The following DYRK1A variants were observed in gnomAD, a reference collection of about 807,000 sequenced individuals.
DYRK1A encodes the protein dual specificity tyrosine-phosphorylation-regulated kinase 1A.
Under a neutral mutation model 79.7 loss-of-function variants are expected in DYRK1A, and 9 were observed. The observed-to-expected ratio is 0.11, with a 90% confidence interval of 0.07 to 0.20. DYRK1A has a LOEUF of 0.20. Among genes scored for constraint, DYRK1A ranks in the 10% least tolerant of loss-of-function variants. The pLI, the probability that DYRK1A is intolerant of heterozygous loss-of-function variation, is 1.00. For synonymous variants in DYRK1A, 349 were observed against 329.7 expected (o/e 1.06, Z -0.63); for missense variants, 622 against 956.0 (o/e 0.65, Z 4.61).
intron 2 of DYRK1A, among the ~76,000 whole-genome samples, chr21:37,447,842 G>T (rs1476827828): frequency 3.3e-5 from 5 of 151,728 alleles, no homozygotes; most frequent in African/African-American, 1.2e-4. Flanking sequence ...GCTTAGAGGT[G>T]GGGAACTTGT....
intron 1 of DYRK1A, among the ~76,000 whole-genome samples, chr21:37,386,049 G>C (rs12626319): frequency 0.24 from 36,110 of 151,966 alleles, 4,576 homozygotes; most frequent in East Asian, 0.42. Context: ...GTAAGGTACT[G>C]TTTTCATTTA....
chr21:37,501,166 G>GTTTTTTTTTTTTGT (rs2053434064), intron 9 of DYRK1A, among the ~76,000 whole-genome samples: 55 of 93,976 alleles, frequency 5.9e-4, no homozygotes, highest in African/African-American at 2.4e-3. Context: ...GTTGTTGTTG[G>GTTTTTTTTTTTTGT]TTTTTTTTTT....
intron 8 of DYRK1A, among the ~76,000 whole-genome samples, chr21:37,495,739 C>G (rs112564495): frequency 8.5e-4 from 117 of 137,716 alleles, no homozygotes; most frequent in African/African-American, 2.9e-3. Context: ...CTGCAGTGAG[C>G]TCTGAGTGCA....
intron 2 of DYRK1A, among the ~76,000 whole-genome samples, chr21:37,448,575 G>A (rs1322982870): frequency 6.6e-6 from 1 of 152,118 alleles, no homozygotes; most frequent in Non-Finnish European, 1.5e-5. Context: ...AATATTATAG[G>A]TATGATTTAT....
chr21:37,473,702 C>T (rs1025452432), intron 3 of DYRK1A, among the ~76,000 whole-genome samples: 1 of 152,032 alleles, frequency 6.6e-6, no homozygotes, highest in Non-Finnish European at 1.5e-5. Context: ...ATGTCTTTTC[C>T]TGGTGTCTTG....
intron 2 of DYRK1A, chr21:37,421,727 C>T (rs1463053897): frequency 6.6e-6 from 1 of 152,076 alleles, no homozygotes; most frequent in African/African-American, 2.4e-5. Flanking sequence ...GAATTTTATG[C>T]ACATTTTTTT....
At chr21:37,501,771 T>C (rs2053458644) in intron 9 of DYRK1A, 1 of 152,204 alleles carries the variant, frequency 6.6e-6, no homozygotes, top group Admixed American at 6.5e-5. Flanking sequence ...TCAAATTGTT[T>C]GATATTTTTC....
intron 9 of DYRK1A, chr21:37,501,963 C>T (rs1257497320): frequency 6.6e-6 from 1 of 152,098 alleles, no homozygotes; most frequent in Non-Finnish European, 1.5e-5. Context: ...GATAAATTGA[C>T]CCTTTTATCA....
intron 1 of DYRK1A, chr21:37,415,659 G>T (rs577247411): frequency 6.6e-6 from 1 of 151,868 alleles, no homozygotes; most frequent in South Asian, 2.1e-4. Context: ...TAGAGATGGG[G>T]TTTTGCCATG....
Position 37,513,082 on chromosome 21 carries a change from A to C in DYRK1A, c.*551A>C, listed in dbSNP as rs1205599506. Reference sequence around the variant, plus strand: ...TAAGGAAGAGGGACCTCCAGCTTCCACAAACACCATCTTCAGCTGTATGAA... The same window carrying C: ...TAAGGAAGAGGGACCTCCAGCTTCCCCAAACACCATCTTCAGCTGTATGAA... On this transcript the variant is annotated 3_prime_UTR_variant, in exon 12 of 12. Coordinates refer to ENST00000647188, the MANE Select transcript of DYRK1A (RefSeq NM_001347721.2). 1 of 155,288 alleles carries C rather than the reference A, an allele frequency of 6.4e-6. No homozygotes were observed. Among genetic ancestry groups the C allele is most frequent in the African/African-American group, 2.4e-5 (1 of 41,402 alleles). The allele number at this position is 155,288 out of a possible 1,614,324, so 9.6% of individuals were successfully genotyped here.
At chr21:37,473,914 A>G (rs1486314587) in intron 3 of DYRK1A, among the ~76,000 whole-genome samples, 2 of 152,206 alleles carry the variant, frequency 1.3e-5, no homozygotes, top group Non-Finnish European at 2.9e-5. Flanking sequence ...AAGTTTAGGA[A>G]GTGTTTAATT....
chr21:37,415,237 CCTT>C (rs1247893238), intron 1 of DYRK1A, among the ~76,000 whole-genome samples: 19 of 152,158 alleles, frequency 1.2e-4, no homozygotes, highest in African/African-American at 3.6e-4. Context: ...AGTTCTTAAA[CCTT>C]CTCCCTAGTT....
At chr21:37,497,389 A>G (rs1261331668) in intron 9 of DYRK1A, among the ~76,000 whole-genome samples, 1 of 152,136 alleles carries the variant, frequency 6.6e-6, no homozygotes, top group African/African-American at 2.4e-5. Flanking sequence ...CCTATTCCCC[A>G]TAAGGAAAGG....
At chr21:37,438,522 A>G (rs1182325707) in intron 2 of DYRK1A, among the ~76,000 whole-genome samples, 1 of 152,122 alleles carries the variant, frequency 6.6e-6, no homozygotes, top group Non-Finnish European at 1.5e-5. Flanking sequence ...GTATAGATCA[A>G]AGATCACTTT....
intron 2 of DYRK1A, among the ~76,000 whole-genome samples, chr21:37,436,126 C>G (rs11702209): frequency 0.077 from 11,687 of 152,116 alleles, 667 homozygotes; most frequent in Non-Finnish European, 0.11. Flanking sequence ...GGAAAAAATT[C>G]TAGGCCTTTT....
At chr21:37,377,098 G>C (rs1264486459) in intron 1 of DYRK1A, among the ~76,000 whole-genome samples, 1 of 152,032 alleles carries the variant, frequency 6.6e-6, no homozygotes, top group Non-Finnish European at 1.5e-5. Context: ...TAAACACACA[G>C]TTTTGCAACT....
intron 2 of DYRK1A, among the ~76,000 whole-genome samples, chr21:37,429,580 A>G (rs1717287675): frequency 6.6e-6 from 1 of 152,190 alleles, no homozygotes; most frequent in South Asian, 2.1e-4. Context: ...CGTACTCACC[A>G]TCGTGAGAAT....
chr21:37,424,952 A>C (rs1202558795), intron 2 of DYRK1A, among the ~76,000 whole-genome samples: 1 of 152,198 alleles, frequency 6.6e-6, no homozygotes, highest in Non-Finnish European at 1.5e-5. Context: ...TCAACAGGCA[A>C]AAAGAAGAAT....
chr21:37,419,328 A>AT (rs150171057), intron 1 of DYRK1A: 1 of 152,286 alleles, frequency 6.6e-6, no homozygotes, highest in Non-Finnish European at 1.5e-5. Flanking sequence ...AAATTTAGGA[A>AT]TTGGAGGCAT....
Sources: gnomAD v4.1 joint callset for allele counts (sites outside exome capture counted in the v4.1 genomes callset) on GRCh38, gnomAD v4.1.1 for gene constraint, MANE v1.5 for transcripts, NCBI Gene and HGNC (gene_info 2026-07-23, HGNC 2026-07-21) for gene names.